The following TENM3 variants were observed in gnomAD, a reference collection of about 807,000 sequenced individuals.
TENM3 encodes teneurin-3.
In TENM3, 63 loss-of-function variants were observed where a neutral mutation model predicts 255.1. The ratio of observed to expected loss-of-function variants is 0.25; its 90% confidence interval spans 0.20 to 0.30. The LOEUF (loss-of-function observed/expected upper bound fraction) is 0.30, where lower values mean the gene tolerates loss of function less well. Ranked by LOEUF, TENM3 falls within the 10% of genes least tolerant of loss-of-function variation. The pLI, the probability that TENM3 is intolerant of heterozygous loss-of-function variation, is 1.00. For synonymous variants in TENM3, 1,306 were observed against 1,322.3 expected (o/e 0.99, Z 0.27); for missense variants, 2,929 against 3,461.1 (o/e 0.85, Z 3.86).
At chr4:181,863,262 T>C in the TENM3 span, among the ~76,000 whole-genome samples, 2 of 152,198 alleles carry the variant, frequency 1.3e-5, no homozygotes, top group African/African-American at 4.8e-5. Context: ...CCAACATTCA[T>C]ACTTCTTCAA....
rs563260425 is a variant in TENM3 at position 182,236,600 on chromosome 4, C to T, written c.-75-87346C>T. Among the ~76,000 whole-genome samples, 7 of 152,090 alleles carry T rather than the reference C, an allele frequency of 4.6e-5. No individual in the cohort carries two copies. The South Asian group carries it at 6.2e-4, about 14-fold the overall frequency. On this transcript the variant is annotated intron_variant, in intron 1 of 2. Transcript: ENST00000512480. ...TAAATAATTTAATGGGAAATGTATA[C>T]GGAAAATGTATGTTAAATAATATGT... is the stretch of plus-strand genomic sequence containing the variant.
At chr4:182,667,261 G>T (rs1451334904) in intron 6 of TENM3, among the ~76,000 whole-genome samples, 4 of 151,948 alleles carry the variant, frequency 2.6e-5, no homozygotes, top group Non-Finnish European at 4.4e-5. Context: ...TGTGATCTCG[G>T]CTCATTGTAA....
At chr4:181,749,562 C>T in the TENM3 span, among the ~76,000 whole-genome samples, 1 of 152,166 alleles carries the variant, frequency 6.6e-6, no homozygotes, top group Non-Finnish European at 1.5e-5. Context: ...GAGAAAGTCT[C>T]TCTCTGCTTT....
the TENM3 span, among the ~76,000 whole-genome samples, chr4:181,639,169 A>T: frequency 6.6e-6 from 1 of 152,204 alleles, no homozygotes; most frequent in African/African-American, 2.4e-5. Flanking sequence ...AAGAGCAAAA[A>T]GCTATGGGAA....
the TENM3 span, among the ~76,000 whole-genome samples, chr4:181,835,285 G>T: frequency 2.6e-5 from 4 of 152,094 alleles, no homozygotes; most frequent in African/African-American, 7.2e-5. Flanking sequence ...TCAACCTATG[G>T]TTACATTCAC....
chr4:181,959,403 G>A, the TENM3 span, among the ~76,000 whole-genome samples: 2 of 152,250 alleles, frequency 1.3e-5, no homozygotes, highest in African/African-American at 4.8e-5. Context: ...CACAGCCCCT[G>A]TTTCAACAGG....
the TENM3 span, among the ~76,000 whole-genome samples, chr4:181,627,879 A>G: frequency 4.6e-5 from 7 of 152,164 alleles, no homozygotes; most frequent in Admixed American, 6.5e-5. Context: ...GTCAAATGGT[A>G]TTTCTAGTTC....
chr4:181,719,137 C>T, the TENM3 span, among the ~76,000 whole-genome samples: 1 of 151,632 alleles, frequency 6.6e-6, no homozygotes, highest in East Asian at 1.9e-4. Flanking sequence ...ACCCGGGAAG[C>T]GGAGCTTGCA....
intron 3 of TENM3, among the ~76,000 whole-genome samples, chr4:182,390,732 A>C (rs1768368321): frequency 6.6e-6 from 1 of 152,126 alleles, no homozygotes; most frequent in African/African-American, 2.4e-5. Context: ...GCACCTTGTC[A>C]GTTTATAGAT....
chr4:182,766,293 G>A (rs1372702134), intron 22 of TENM3, among the ~76,000 whole-genome samples: 1 of 152,014 alleles, frequency 6.6e-6, no homozygotes, highest in Non-Finnish European at 1.5e-5. Flanking sequence ...CTGTCTAGGA[G>A]GTCTCCATTT....
At chr4:182,057,290 AAG>A in the TENM3 span, among the ~76,000 whole-genome samples, 2,336 of 148,994 alleles carry the variant, frequency 0.016, 47 homozygotes, top group East Asian at 0.13. Context: ...AAATTTCTCA[AAG>A]AGAGAGAGAG....
intron 3 of TENM3, among the ~76,000 whole-genome samples, chr4:182,404,501 G>C (rs1424769013): frequency 6.6e-6 from 1 of 152,164 alleles, no homozygotes; most frequent in Non-Finnish European, 1.5e-5. Flanking sequence ...TATGGATCAA[G>C]TACAAATGAA....
chr4:182,051,636 G>A, the TENM3 span, among the ~76,000 whole-genome samples: 1 of 152,168 alleles, frequency 6.6e-6, no homozygotes, highest in East Asian at 2.0e-4. Context: ...CTCGGGCAAA[G>A]TGCTGGGATT....
the TENM3 span, among the ~76,000 whole-genome samples, chr4:181,705,480 T>C: frequency 6.6e-6 from 1 of 152,242 alleles, no homozygotes; most frequent in African/African-American, 2.4e-5. Flanking sequence ...TAACCATCAT[T>C]TTCATTGATG....
chr4:182,366,006 T>C (rs935993534), intron 3 of TENM3, among the ~76,000 whole-genome samples: 1 of 152,188 alleles, frequency 6.6e-6, no homozygotes, highest in East Asian at 1.9e-4. Flanking sequence ...GCTACTGTCA[T>C]ATATGTGGTT....
the TENM3 span, among the ~76,000 whole-genome samples, chr4:181,819,581 T>G: frequency 1.3e-5 from 2 of 151,968 alleles, no homozygotes; most frequent in African/African-American, 4.8e-5. Context: ...CAGGGACTGG[T>G]TTCATGGAAG....
At chr4:181,836,384 T>C in the TENM3 span, among the ~76,000 whole-genome samples, 31 of 152,290 alleles carry the variant, frequency 2.0e-4, no homozygotes, top group African/African-American at 7.5e-4. Flanking sequence ...GTGTAATGCA[T>C]CACAGCATTT....
At chr4:181,907,509 TCAGCCCA>T in the TENM3 span, among the ~76,000 whole-genome samples, 1 of 152,176 alleles carries the variant, frequency 6.6e-6, no homozygotes, top group African/African-American at 2.4e-5. Flanking sequence ...CAGAGGCATG[TCAGCCCA>T]CAGACACCGT....
chr4:181,686,143 C>G, the TENM3 span, among the ~76,000 whole-genome samples: 1 of 152,114 alleles, frequency 6.6e-6, no homozygotes, highest in Non-Finnish European at 1.5e-5. Flanking sequence ...ATGACTACAA[C>G]ATCTACAGTT....
Sources: gnomAD v4.1 joint callset for allele counts (sites outside exome capture counted in the v4.1 genomes callset) on GRCh38, gnomAD v4.1.1 for gene constraint, MANE v1.5 for transcripts, NCBI Gene and HGNC (gene_info 2026-07-23, HGNC 2026-07-21) for gene names.